Variants in RHOBTB3 observed in about 807,000 individuals in gnomAD.
RHOBTB3 encodes the protein Rho related BTB domain containing 3, also known as rho-related BTB domain-containing protein 3.
RHOBTB3 carries 47 observed loss-of-function variants against 67.2 expected under a neutral mutation model. The ratio of observed to expected loss-of-function variants is 0.70; its 90% CI spans 0.55 to 0.89. The LOEUF (loss-of-function observed/expected upper bound fraction) is 0.89, where lower values mean the gene tolerates loss of function less well. Among genes scored for constraint, RHOBTB3 ranks in the 40% least tolerant of loss-of-function variants. The probability of loss-of-function intolerance (pLI) is 0.00; values close to 1 mark genes in which losing one functional copy is unlikely to be tolerated. For missense variants in RHOBTB3, 631 were observed against 750.0 expected, an observed-to-expected ratio of 0.84 and a Z score of 1.85; for synonymous variants, 273 against 274.2, an observed-to-expected ratio of 1.00 and a Z score of 0.04.
intron 1 of RHOBTB3, among the ~76,000 whole-genome samples, chr5:95,718,135 C>A (rs1302567400): frequency 6.6e-6 from 1 of 152,066 alleles, no homozygotes; most frequent in East Asian, 1.9e-4. Context: ...GTTAAATAAA[C>A]CTGAACTAAA....
intron 5 of RHOBTB3, among the ~76,000 whole-genome samples, chr5:95,753,014 C>G (rs1204575361): frequency 6.6e-6 from 1 of 152,120 alleles, no homozygotes; most frequent in East Asian, 1.9e-4. Flanking sequence ...CGCCTGTAGT[C>G]CCAGCTACTC....
chr5:95,760,055 T>C (rs1745353540), intron 6 of RHOBTB3, among the ~76,000 whole-genome samples: 1 of 152,222 alleles, frequency 6.6e-6, no homozygotes, highest in Non-Finnish European at 1.5e-5. Context: ...TATGTCACCA[T>C]GAACATTTGG....
At chr5:95,785,588 C>T (rs1035352238) in intron 10 of RHOBTB3, among the ~76,000 whole-genome samples, 7 of 148,404 alleles carry the variant, frequency 4.7e-5, no homozygotes, top group Middle Eastern at 3.2e-3. Context: ...AGTGAGACTC[C>T]GTCTCAAAAA....
intron 5 of RHOBTB3, among the ~76,000 whole-genome samples, chr5:95,754,412 G>A (rs1745184740): frequency 6.6e-6 from 1 of 152,170 alleles, no homozygotes. Flanking sequence ...GGGTGGACTG[G>A]AATACAGTGC....
At chr5:95,738,535 T>G (rs965127566) in intron 3 of RHOBTB3, among the ~76,000 whole-genome samples, 5 of 152,148 alleles carry the variant, frequency 3.3e-5, no homozygotes, top group African/African-American at 7.2e-5. Flanking sequence ...GTGGGTTAAT[T>G]ATCATGGGAG....
rs545925780 is a variant in RHOBTB3, at chr5:95,785,082, GA to G, written c.1623+1120del. ...TATCTCCATCCACATTGCTAAAATGGAGCCACATGATGGGGCAAATTCCAGA... is the reference window on the plus strand; with the variant it reads ...TATCTCCATCCACATTGCTAAAATGGGCCACATGATGGGGCAAATTCCAGA... On this transcript the variant is annotated intron_variant, in intron 10 of 11. Coordinates refer to ENST00000379982, the MANE Select transcript of RHOBTB3 (RefSeq NM_014899.4). Among the ~76,000 whole-genome samples the G allele has an allele frequency of 9.6e-4, 146 of 152,266 alleles. 4 individuals are homozygous for G. The South Asian group carries it at 0.029, about 31-fold the overall frequency.
intron 8 of RHOBTB3, among the ~76,000 whole-genome samples, chr5:95,779,840 G>T (rs1285390889): frequency 6.6e-6 from 1 of 152,166 alleles, no homozygotes; most frequent in Admixed American, 6.5e-5. Flanking sequence ...TGGCCAAGAT[G>T]GTTCTGTGAG....
Position 95,783,779 on chromosome 5 carries a change from T to C in RHOBTB3, c.1457-18T>C, listed in dbSNP as rs1039695743. 6.3e-7 allele frequency: 1 copy of C among 1,593,742 alleles called. No homozygotes were observed. Among genetic ancestry groups the C allele is most frequent in the African/African-American group, 1.3e-5 (1 of 74,556 alleles). On this transcript the variant is annotated intron_variant, in intron 9 of 11. Transcript: ENST00000379982. ...TGGTTTCATCATCCACTTTCTCTCA[T>C]GTCCCTTTTCTCATCAGCTGGCATA...
upstream of RHOBTB3, chr5:95,731,304 C>T (rs1216900467): frequency 9.5e-7 from 1 of 1,047,854 alleles, no homozygotes; most frequent in Admixed American, 5.7e-5. Context: ...CCCCCCTTCT[C>T]TGCTTAGAGG....
intron 10 of RHOBTB3, among the ~76,000 whole-genome samples, chr5:95,785,297 A>T (rs1245711300): frequency 6.6e-6 from 1 of 152,218 alleles, no homozygotes; most frequent in African/African-American, 2.4e-5. Flanking sequence ...AAACAAATTT[A>T]AAAATTGAGT....
At chr5:95,724,897 G>T (rs988134011) in intron 1 of RHOBTB3, among the ~76,000 whole-genome samples, 1 of 151,974 alleles carries the variant, frequency 6.6e-6, no homozygotes, top group Admixed American at 6.6e-5. Context: ...AGTATATAAA[G>T]AATTATGGAG....
At chr5:95,720,916 G>A (rs558572558) in intron 1 of RHOBTB3, among the ~76,000 whole-genome samples, 7 of 152,166 alleles carry the variant, frequency 4.6e-5, no homozygotes, top group African/African-American at 1.7e-4. Context: ...ATATTTTACC[G>A]AAGAAAAGGA....
In RHOBTB3 at chr5:95,775,667, A is replaced by G. The variant is rs183134584; in HGVS notation, c.1283-4585A>G. Among the ~76,000 whole-genome samples the G allele has an allele frequency of 8.6e-5, 13 of 152,002 alleles. No individual in the cohort carries two copies. The East Asian group carries it at 2.5e-3, about 29-fold the overall frequency. On this transcript the variant is annotated intron_variant, in intron 8 of 11. Coordinates refer to ENST00000379982, the MANE Select transcript of RHOBTB3 (RefSeq NM_014899.4). The stretch of plus-strand genomic sequence containing the variant: ...TGAATTGTAGCTAAATTATTAACAG[A>G]CAGCTAAATTTTAATGTCACTCTGA...
At chr5:95,744,696 A>G (rs1196028851) in intron 3 of RHOBTB3, among the ~76,000 whole-genome samples, 1 of 152,148 alleles carries the variant, frequency 6.6e-6, no homozygotes, top group East Asian at 1.9e-4. Context: ...CTTGGAATAC[A>G]TGAAACTGTG....
chr5:95,791,821 C>A (rs143881551), intron 11 of RHOBTB3, among the ~76,000 whole-genome samples: 8,335 of 152,030 alleles, frequency 0.055, 323 homozygotes, highest in South Asian at 0.1. Context: ...GGTGGGATTA[C>A]AGACATGAGC....
At chr5:95,756,658 G>A (rs1745254938) in intron 6 of RHOBTB3, among the ~76,000 whole-genome samples, 1 of 151,972 alleles carries the variant, frequency 6.6e-6, no homozygotes, top group Non-Finnish European at 1.5e-5. Context: ...CCACATCCTT[G>A]CCAACACTTG....
chr5:95,739,527 G>T (rs541298746), intron 3 of RHOBTB3, among the ~76,000 whole-genome samples: 5 of 152,296 alleles, frequency 3.3e-5, no homozygotes, highest in African/African-American at 9.6e-5. Flanking sequence ...CTAAAAAGTT[G>T]TCAAATACTA....
intron 2 of RHOBTB3, 138 bp downstream of exon 2, chr5:95,732,222 A>G (rs1478713805): frequency 2.6e-6 from 2 of 776,680 alleles, no homozygotes; most frequent in African/African-American, 3.4e-5. Flanking sequence ...TTTTTGAGAA[A>G]ATCTTTGGTC....
At chr5:95,774,689 T>C (rs1745816056) in intron 8 of RHOBTB3, among the ~76,000 whole-genome samples, 1 of 152,108 alleles carries the variant, frequency 6.6e-6, no homozygotes, top group African/African-American at 2.4e-5. Flanking sequence ...TACATTCCCA[T>C]TGGCAGTGTA....
Sources: allele counts gnomAD v4.1 joint callset (sites outside exome capture counted in the v4.1 genomes callset), GRCh38; gene constraint gnomAD v4.1.1; transcripts MANE v1.5; gene names NCBI Gene and HGNC (gene_info 2026-07-23, HGNC 2026-07-21).